Variants in MYZAP observed in about 807,000 individuals in gnomAD.
The protein encoded by MYZAP is GRINL1A complex locus upstream.
Under a neutral mutation model 69.4 loss-of-function variants are expected in MYZAP, and 66 were observed. The observed-to-expected ratio is 0.95, with a 90% CI of 0.78 to 1.17. The LOEUF is 1.17. Ranked by LOEUF, MYZAP falls within the 50% of genes most tolerant of loss-of-function variation. The pLI is 0.00. For missense variants in MYZAP, 611 were observed against 556.2 expected (o/e 1.10, Z -0.99); for synonymous variants, 256 against 205.9 (o/e 1.24, Z -2.09).
intron 10 of MYZAP, chr15:57,648,188 C>G (rs914971093): frequency 7.1e-6 from 7 of 985,178 alleles, no homozygotes; most frequent in Non-Finnish European, 8.4e-6. Flanking sequence ...ACAATTGTGG[C>G]AGCCTTTTTT....
At position 57,618,186 on chromosome 15, in the gene MYZAP, G is replaced by C. The variant is rs1252092800; in HGVS notation, c.316G>C (p.Asp106His). Residue 106 changes from aspartate to histidine, a missense_variant and splice_region_variant, in exon 3 of 13, where the codon GAT becomes CAT. Coordinates refer to ENST00000267853, the MANE Select transcript of MYZAP (RefSeq NM_001018100.5). ...GAAAGAAGAGATGAACTACATCAAA[G>C]ATGTGAGCCATTTAAGAGTTTTTGC... ...QLKEEMNYIK[D>H]VRATLEKVRK... 1.9e-6 allele frequency: 3 copies of C among 1,613,044 alleles called. No homozygotes were observed. The highest frequency in any genetic ancestry group is 8.5e-7 in the Non-Finnish European group (1 of 1,179,724).
intron 3 of MYZAP, among the ~76,000 whole-genome samples, chr15:57,619,094 T>C (rs1166832278): frequency 4.6e-5 from 7 of 152,240 alleles, no homozygotes; most frequent in African/African-American, 1.7e-4. Flanking sequence ...TGGGCTTTGA[T>C]ACCTAAGGTT....
At chr15:57,668,848 T>G (rs138381533) in intron 11 of MYZAP, among the ~76,000 whole-genome samples, 1,668 of 150,218 alleles carry the variant, frequency 0.011, 16 homozygotes, top group Non-Finnish European at 0.019. Flanking sequence ...CTTACTTTTT[T>G]GTTTTCTTAA....
rs181267167 is a variant in MYZAP, at chr15:57,672,556, A to T, written c.1204-2412A>T. 1.4e-3 allele frequency among the ~76,000 whole-genome samples: 210 copies of T among 152,278 alleles called. 2 individuals are homozygous for T. The highest frequency in any genetic ancestry group is 4.6e-3 in the African/African-American group (193 of 41,562). ...TGCAGCCCCCACTCTTTAGCTGAAT[A>T]ATTGCAGTGGTCTTCCTGCTGTCTT... On this transcript the variant is annotated intron_variant, in intron 11 of 12. Transcript: ENST00000267853.
chr15:57,624,209 A>C (rs2035989115), intron 4 of MYZAP, among the ~76,000 whole-genome samples: 1 of 152,238 alleles, frequency 6.6e-6, no homozygotes, highest in East Asian at 1.9e-4. Flanking sequence ...TAATATTCCC[A>C]AAGATAAAAG....
chr15:57,593,215 C>CA (rs1358695314), intron 1 of MYZAP, among the ~76,000 whole-genome samples: 9 of 141,914 alleles, frequency 6.3e-5, no homozygotes, highest in Admixed American at 3.4e-4. Context: ...CACACACACA[C>CA]CCCAGAATCC....
chr15:57,667,322 C>T (rs2038627658), intron 11 of MYZAP, among the ~76,000 whole-genome samples: 1 of 152,164 alleles, frequency 6.6e-6, no homozygotes. Context: ...GGGGAGGTGA[C>T]CGCCAAACAT....
intron 11 of MYZAP, among the ~76,000 whole-genome samples, chr15:57,668,134 T>C (rs1442369797): frequency 1.3e-5 from 2 of 152,240 alleles, no homozygotes; most frequent in African/African-American, 4.8e-5. Context: ...TTCCCTTTTG[T>C]TGCAGAGTGG....
chr15:57,620,407 G>A (rs192780079), intron 3 of MYZAP, among the ~76,000 whole-genome samples: 12 of 152,302 alleles, frequency 7.9e-5, no homozygotes, highest in Admixed American at 7.8e-4. Context: ...GAGTGTGCTG[G>A]AGAAAACTCC....
At chr15:57,673,115 G>A (rs529717124) in intron 11 of MYZAP, among the ~76,000 whole-genome samples, 8 of 152,054 alleles carry the variant, frequency 5.3e-5, no homozygotes, top group African/African-American at 1.9e-4. Context: ...TTTTATTTCT[G>A]TTTCTATGGG....
chr15:57,609,417 C>G (rs977796783), intron 2 of MYZAP, among the ~76,000 whole-genome samples: 3 of 152,204 alleles, frequency 2.0e-5, no homozygotes, highest in Non-Finnish European at 4.4e-5. Context: ...CTGCTGGTAG[C>G]TCTTGGTAAT....
Position 57,616,822 on chromosome 15 carries a change from C to CTTTTTTTTTTTTTTT in MYZAP, c.163-1200_163-1186dup. On this transcript the variant is annotated intron_variant, in intron 2 of 12. Coordinates refer to ENST00000267853, the MANE Select transcript of MYZAP (RefSeq NM_001018100.5). Reference sequence around the variant, plus strand: ...GAGACTCCATCTAAAAAAAAAAGTGCTTTTTTTTTTTTTTTTTTTTTTTTT... The same window carrying CTTTTTTTTTTTTTTT: ...GAGACTCCATCTAAAAAAAAAAGTGCTTTTTTTTTTTTTTTTTTTTTTTTTTTTTTTTTTTTTTTT... 1.9e-3 allele frequency among the ~76,000 whole-genome samples: 96 copies of CTTTTTTTTTTTTTTT among 50,060 alleles called. 13 individuals carry two copies. The highest frequency in any genetic ancestry group is 3.1e-3 in the African/African-American group (39 of 12,620). The allele number at this position is 50,060 out of a possible 152,430, so 32.8% of individuals were successfully genotyped here. A position where few individuals can be genotyped will look rare whatever the true frequency, so the allele number is the denominator to read the frequency against.
At chr15:57,639,403 T>G (rs1412857604) in intron 9 of MYZAP, 37 bp from the exon 10 acceptor site, 1 of 1,609,096 alleles carries the variant, frequency 6.2e-7, no homozygotes, top group Non-Finnish European at 8.5e-7. Context: ...CTGCTTTGGT[T>G]TAGGACTCAT....
intron 2 of MYZAP, among the ~76,000 whole-genome samples, chr15:57,614,164 G>C (rs2035286550): frequency 6.6e-6 from 1 of 152,082 alleles, no homozygotes; most frequent in African/African-American, 2.4e-5. Flanking sequence ...CACTTCATTT[G>C]GACCATATTT....
intron 10 of MYZAP, chr15:57,648,128 T>A: frequency 1.0e-6 from 1 of 980,768 alleles, no homozygotes; most frequent in South Asian, 4.7e-5. Context: ...TTATTTATTT[T>A]AAAATCTTAG....
rs1281828964 is a variant in MYZAP, at chr15:57,637,684, G to A, written c.934-11G>A. The A allele has an allele frequency of 6.2e-7, 1 of 1,610,790 alleles. No individual in the cohort carries two copies. Among genetic ancestry groups the A allele is most frequent in the African/African-American group, 1.3e-5 (1 of 74,856 alleles). ...TCCATTGATTAAAATATCAGTTTCT[G>A]TTTGTTTTAGGAACGTCATCAACTG... On this transcript the variant is annotated splice_polypyrimidine_tract_variant and intron_variant, in intron 8 of 12. Coordinates refer to ENST00000267853, the MANE Select transcript of MYZAP (RefSeq NM_001018100.5).
intron 4 of MYZAP, among the ~76,000 whole-genome samples, chr15:57,624,977 G>T (rs1340893368): frequency 1.3e-5 from 2 of 151,790 alleles, no homozygotes; most frequent in Admixed American, 1.3e-4. Context: ...TCTAGGTCAA[G>T]AATGGCTTCT....
intron 10 of MYZAP, chr15:57,647,991 G>T: frequency 1.0e-6 from 1 of 985,368 alleles, no homozygotes; most frequent in Non-Finnish European, 1.2e-6. Flanking sequence ...CAAGGCTACA[G>T]CTCTGTCTCG....
chr15:57,618,021 A>T lies in MYZAP; in HGVS notation c.163-12A>T. 3 of 1,605,236 alleles carry T rather than the reference A, an allele frequency of 1.9e-6. No homozygotes were observed. The highest frequency in any genetic ancestry group is 1.7e-5 in the Admixed American group (1 of 57,430). On this transcript the variant is annotated splice_polypyrimidine_tract_variant and intron_variant, in intron 2 of 12. Transcript: ENST00000267853. The stretch of plus-strand genomic sequence containing the variant: ...GTCATTATTCTTTTTTTCTTTTCCT[A>T]CTTTCTTTTAGCTTCTTGACCTGAG...
Sources: gnomAD v4.1 joint callset for allele counts (sites outside exome capture counted in the v4.1 genomes callset) on GRCh38, gnomAD v4.1.1 for gene constraint, MANE v1.5 for transcripts, NCBI Gene and HGNC (gene_info 2026-07-23, HGNC 2026-07-21) for gene names.